Variants in ERC2 observed in about 807,000 individuals in gnomAD.
ERC2 encodes ERC protein 2.
In ERC2, 42 loss-of-function variants were observed where a neutral mutation model predicts 114.8. That is an observed-to-expected ratio of 0.37 (90% CI 0.29 to 0.47). The LOEUF (loss-of-function observed/expected upper bound fraction) is 0.47, where lower values mean the gene tolerates loss of function less well. Ranked by LOEUF, ERC2 falls within the 20% of genes least tolerant of loss-of-function variation. The probability of loss-of-function intolerance (pLI) is 0.99; values close to 1 mark genes in which losing one functional copy is unlikely to be tolerated. For synonymous variants in ERC2, 454 were observed against 425.5 expected (o/e 1.07, Z -0.82); for missense variants, 939 against 1,150.7 (o/e 0.82, Z 2.66).
At chr3:55,788,785 A>G (rs1398806149) in intron 14 of ERC2, among the ~76,000 whole-genome samples, 1 of 152,190 alleles carries the variant, frequency 6.6e-6, no homozygotes. Flanking sequence ...ATTTTTTAAA[A>G]TAAGCTTATT....
intron 14 of ERC2, among the ~76,000 whole-genome samples, chr3:55,758,149 T>C (rs2067180164): frequency 1.3e-5 from 2 of 152,140 alleles, no homozygotes; most frequent in South Asian, 2.1e-4. Flanking sequence ...TCCCCAAAAA[T>C]AACATGGATT....
At chr3:55,635,146 G>T (rs1422886573) in intron 17 of ERC2, among the ~76,000 whole-genome samples, 1 of 152,100 alleles carries the variant, frequency 6.6e-6, no homozygotes, top group Non-Finnish European at 1.5e-5. Context: ...GCCTACCAAA[G>T]TGCTGGGATT....
In ERC2 at chr3:55,510,084, T is replaced by C. The variant is rs1401239047; in HGVS notation, c.*1232A>G. 6.6e-6 allele frequency: 1 copy of C among 152,620 alleles called. No homozygotes were observed. The highest frequency in any genetic ancestry group is 1.5e-5 in the Non-Finnish European group (1 of 68,030). The allele number at this position is 152,620 out of a possible 1,614,324, so 9.5% of individuals were successfully genotyped here. ...CTCCTTAGTACCATATCACTGTATG[T>C]AAAAGACCTCAAAATTTGGTCTTTT... On this transcript the variant is annotated 3_prime_UTR_variant, in exon 18 of 18. Transcript: ENST00000288221.
chr3:55,819,442 ATAACTTTAT>A (rs2060033949), intron 14 of ERC2, among the ~76,000 whole-genome samples: 1 of 152,210 alleles, frequency 6.6e-6, no homozygotes. Flanking sequence ...TCCTCTATAA[ATAACTTTAT>A]GCAGTACAAT....
chr3:56,121,418 T>C (rs2079566688), intron 6 of ERC2, among the ~76,000 whole-genome samples: 1 of 152,220 alleles, frequency 6.6e-6, no homozygotes, highest in Non-Finnish European at 1.5e-5. Flanking sequence ...AATGTCTTTC[T>C]CTAAAACAAA....
intron 2 of ERC2, among the ~76,000 whole-genome samples, chr3:56,425,864 C>G (rs1427191678): frequency 6.6e-6 from 1 of 152,176 alleles, no homozygotes; most frequent in Non-Finnish European, 1.5e-5. Flanking sequence ...GGTTTATTTT[C>G]TCACATGACT....
Position 55,694,549 on chromosome 3 carries a change from A to G in ERC2, c.2847+4829T>C, listed in dbSNP as rs139242480. ...ATTTAAAATTTAAATACTATCAGAAAGTCTCAAAGGTGGTCAAAATCCCTC... is the reference window on the plus strand; with the variant it reads ...ATTTAAAATTTAAATACTATCAGAAGGTCTCAAAGGTGGTCAAAATCCCTC... On this transcript the variant is annotated intron_variant, in intron 16 of 17. Coordinates refer to ENST00000288221, the MANE Select transcript of ERC2 (RefSeq NM_015576.3). Among the ~76,000 whole-genome samples the G allele has an allele frequency of 1.8e-3, 275 of 152,354 alleles. 2 individuals carry two copies. The highest frequency in any genetic ancestry group is 6.2e-3 in the African/African-American group (259 of 41,594).
intron 15 of ERC2, among the ~76,000 whole-genome samples, chr3:55,734,318 T>A (rs2065488199): frequency 6.6e-6 from 1 of 152,012 alleles, no homozygotes; most frequent in Non-Finnish European, 1.5e-5. Context: ...GTCAAAGAAC[T>A]AAAGTTGAAA....
chr3:55,879,481 C>T (rs1275278143), intron 14 of ERC2, among the ~76,000 whole-genome samples: 15 of 152,104 alleles, frequency 9.9e-5, no homozygotes, highest in Admixed American at 6.6e-5. Flanking sequence ...GGACCTAATA[C>T]CCCTTATAGG....
chr3:55,922,338 GA>G (rs965158699), intron 13 of ERC2, among the ~76,000 whole-genome samples: 10 of 149,510 alleles, frequency 6.7e-5, no homozygotes, highest in Middle Eastern at 3.4e-3. Context: ...CCTCCACACT[GA>G]AAAAAAAAAT....
At chr3:55,516,816 T>C (rs558514809) in intron 17 of ERC2, among the ~76,000 whole-genome samples, 3 of 152,356 alleles carry the variant, frequency 2.0e-5, no homozygotes, top group African/African-American at 7.2e-5. Flanking sequence ...GTACCATTTG[T>C]TGCGTGCTAT....
intron 17 of ERC2, among the ~76,000 whole-genome samples, chr3:55,516,651 T>C (rs963645000): frequency 1.3e-5 from 2 of 152,148 alleles, no homozygotes; most frequent in African/African-American, 4.8e-5. Flanking sequence ...TATTTCAACT[T>C]TGGTTTCTGT....
intron 17 of ERC2, among the ~76,000 whole-genome samples, chr3:55,632,029 G>T (rs1289160217): frequency 6.6e-6 from 1 of 152,172 alleles, no homozygotes; most frequent in African/African-American, 2.4e-5. Context: ...GAGGAACTGC[G>T]ATTGCAACCA....
chr3:56,173,608 G>C, intron 3 of ERC2, 88 bp from the exon 4 acceptor site: 1 of 1,253,146 alleles, frequency 8.0e-7, no homozygotes, highest in Non-Finnish European at 1.1e-6. Flanking sequence ...AGCCTGCTGG[G>C]TCCTGGTTCC....
intron 2 of ERC2, among the ~76,000 whole-genome samples, chr3:56,339,147 T>C (rs1322621080): frequency 6.6e-6 from 1 of 152,124 alleles, no homozygotes; most frequent in Non-Finnish European, 1.5e-5. Context: ...GAAAAGTTAA[T>C]AACATGCAAG....
intron 7 of ERC2, among the ~76,000 whole-genome samples, chr3:56,066,711 A>G (rs1190392525): frequency 6.6e-6 from 1 of 152,138 alleles, no homozygotes; most frequent in Non-Finnish European, 1.5e-5. Flanking sequence ...TCTTTAATCC[A>G]CCTTAAGTTA....
intron 3 of ERC2, among the ~76,000 whole-genome samples, chr3:56,250,342 C>T (rs1340057289): frequency 6.6e-6 from 1 of 152,166 alleles, no homozygotes; most frequent in African/African-American, 2.4e-5. Flanking sequence ...AGGAGTAGAT[C>T]AGATCATCAC....
chr3:56,236,667 G>C (rs1250072049), intron 3 of ERC2, among the ~76,000 whole-genome samples: 2 of 152,132 alleles, frequency 1.3e-5, no homozygotes, highest in Admixed American at 6.5e-5. Context: ...TGGGCTCCTT[G>C]ATGGTAATAA....
At chr3:56,174,875 G>A (rs2082884397) in intron 3 of ERC2, among the ~76,000 whole-genome samples, 1 of 152,000 alleles carries the variant, frequency 6.6e-6, no homozygotes, top group Non-Finnish European at 1.5e-5. Flanking sequence ...CTACTTGGGA[G>A]GCTGAGGCAG....
Sources: gnomAD v4.1 joint callset for allele counts (sites outside exome capture counted in the v4.1 genomes callset) on GRCh38, gnomAD v4.1.1 for gene constraint, MANE v1.5 for transcripts, NCBI Gene and HGNC (gene_info 2026-07-23, HGNC 2026-07-21) for gene names.